Variants in ARHGEF12 observed in about 807,000 individuals in gnomAD.
The protein encoded by ARHGEF12 is Rho guanine nucleotide exchange factor 12.
A neutral mutation model predicts 211.2 loss-of-function variants in ARHGEF12; 66 were observed. That is an observed-to-expected ratio of 0.31 (90% CI 0.26 to 0.38). ARHGEF12 has a LOEUF of 0.38. Ranked by LOEUF, ARHGEF12 falls within the 10% of genes least tolerant of loss-of-function variation. The probability of loss-of-function intolerance (pLI) is 1.00; values close to 1 mark genes in which losing one functional copy is unlikely to be tolerated. For missense variants in ARHGEF12, 1,429 were observed against 1,869.5 expected (o/e 0.76, Z 4.34); for synonymous variants, 592 against 638.4 (o/e 0.93, Z 1.09).
intron 24 of ARHGEF12, 93 bp from the exon 25 acceptor site, chr11:120,457,987 T>A: frequency 2.1e-6 from 3 of 1,423,712 alleles, no homozygotes; most frequent in Non-Finnish European, 2.9e-6. Context: ...GATTCAGGAA[T>A]CTGATTAGAA....
chr11:120,360,233 A>G (rs529768609), intron 1 of ARHGEF12, among the ~76,000 whole-genome samples: 1 of 152,314 alleles, frequency 6.6e-6, no homozygotes, highest in South Asian at 2.1e-4. Flanking sequence ...TGGAAGGCCA[A>G]TTAGAGTAGT....
rs1947482886 is a variant in ARHGEF12, at chr11:120,489,615, T to C, written c.*4538T>C. On this transcript the variant is annotated 3_prime_UTR_variant, in exon 41 of 41. Coordinates refer to ENST00000397843, the MANE Select transcript of ARHGEF12 (RefSeq NM_015313.3). ...GTTTTGAAATACTTGTAATTTGACT[T>C]ATTCTTGGGATAATATTTTAGTTTT... The C allele has an allele frequency of 4.7e-6, 1 of 213,920 alleles. No individual in the cohort carries two copies. Among genetic ancestry groups the C allele is most frequent in the Non-Finnish European group, 9.5e-6 (1 of 105,792 alleles). The allele number at this position is 213,920 out of a possible 1,614,324, so 13.3% of individuals were successfully genotyped here.
At chr11:120,363,065 A>C (rs1020636131) in intron 1 of ARHGEF12, among the ~76,000 whole-genome samples, 6 of 152,226 alleles carry the variant, frequency 3.9e-5, no homozygotes, top group African/African-American at 1.4e-4. Context: ...GCACCACTGC[A>C]CTCCAGCCTT....
intron 24 of ARHGEF12, 138 bp downstream of exon 24, chr11:120,457,894 A>G: frequency 8.7e-7 from 1 of 1,154,696 alleles, no homozygotes; most frequent in South Asian, 1.6e-5. Flanking sequence ...CTCTTAAGAA[A>G]CACTGGTCAT....
In ARHGEF12 at chr11:120,337,034, C is replaced by T; in HGVS notation, c.-210C>T. 1.6e-6 allele frequency: 1 copy of T among 613,562 alleles called. No individual in the cohort carries two copies. The highest frequency in any genetic ancestry group is 2.0e-5 in the South Asian group (1 of 50,932). 38.0% of individuals were successfully genotyped at this position (613,562 alleles called of 1,614,324 possible). On this transcript the variant is annotated 5_prime_UTR_variant, in exon 1 of 41. Transcript: ENST00000397843. ...GGACTGACTCGCTCCCTGGCTTTCT[C>T]AGTTCGTTTTGGGAGATAACTTGTT...
intron 1 of ARHGEF12, among the ~76,000 whole-genome samples, chr11:120,404,530 C>G (rs1457548370): frequency 6.6e-6 from 1 of 151,950 alleles, no homozygotes; most frequent in African/African-American, 2.4e-5. Context: ...GGGCGTGGTC[C>G]TTGTTCATTT....
chr11:120,478,641 G>A (rs1336175183), intron 37 of ARHGEF12, among the ~76,000 whole-genome samples: 1 of 152,188 alleles, frequency 6.6e-6, no homozygotes, highest in African/African-American at 2.4e-5. Context: ...ATTGAGGTGG[G>A]AAAAAGGCTG....
intron 1 of ARHGEF12, among the ~76,000 whole-genome samples, chr11:120,353,312 T>C (rs1470736023): frequency 6.6e-6 from 1 of 152,202 alleles, no homozygotes; most frequent in African/African-American, 2.4e-5. Flanking sequence ...GGATCAATTA[T>C]CACAGTCGCA....
chr11:120,448,887 A>G (rs1401435707), intron 20 of ARHGEF12: 4 of 436,900 alleles, frequency 9.2e-6, no homozygotes, highest in Non-Finnish European at 1.6e-5. Flanking sequence ...TGATTTTCCA[A>G]AGCTGTCAGT....
chr11:120,417,267 T>C (rs1945059192), intron 4 of ARHGEF12, among the ~76,000 whole-genome samples: 1 of 152,146 alleles, frequency 6.6e-6, no homozygotes. Flanking sequence ...CAGTCACCCA[T>C]ATTAGAAACC....
intron 4 of ARHGEF12, among the ~76,000 whole-genome samples, chr11:120,418,703 T>C (rs1410553918): frequency 6.6e-6 from 1 of 152,234 alleles, no homozygotes; most frequent in Non-Finnish European, 1.5e-5. Flanking sequence ...TACCACTGTT[T>C]ATGATTAGCC....
chr11:120,414,945 T>C (rs574971071), intron 4 of ARHGEF12, among the ~76,000 whole-genome samples: 2 of 152,336 alleles, frequency 1.3e-5, no homozygotes, highest in East Asian at 3.9e-4. Context: ...TCACTGGTTT[T>C]ACTTTTTGAA....
At chr11:120,427,513 G>A (rs1401321815) in intron 7 of ARHGEF12, among the ~76,000 whole-genome samples, 1 of 151,470 alleles carries the variant, frequency 6.6e-6, no homozygotes, top group African/African-American at 2.4e-5. Context: ...GACCAGCCTG[G>A]GCAACATGGC....
chr11:120,480,453 C>CTTTGAT, intron 38 of ARHGEF12, 23 bp downstream of exon 38: 3 of 1,579,626 alleles, frequency 1.9e-6, no homozygotes, highest in Middle Eastern at 2.1e-4. Flanking sequence ...CACACTTAAA[C>CTTTGAT]TTTGATTTTG....
At chr11:120,421,927 C>T in intron 6 of ARHGEF12, 75 bp downstream of exon 6, 1 of 1,154,926 alleles carries the variant, frequency 8.7e-7, no homozygotes, top group Non-Finnish European at 1.3e-6. Flanking sequence ...TGATTTTTTT[C>T]ACTTGGATTT....
intron 33 of ARHGEF12, 80 bp downstream of exon 33, chr11:120,475,587 A>G: frequency 7.0e-7 from 1 of 1,427,190 alleles, no homozygotes; most frequent in East Asian, 2.3e-5. Flanking sequence ...TCTCAATAAC[A>G]CAAGTGGCAT....
chr11:120,426,763 GTTAAATTGGGAGACA>G (rs1171845943), intron 7 of ARHGEF12, among the ~76,000 whole-genome samples: 1 of 152,118 alleles, frequency 6.6e-6, no homozygotes, highest in Admixed American at 6.5e-5. Context: ...CCATGGGAGG[GTTAAATTGGGAGACA>G]AGTGTGAAAT....
At chr11:120,344,512 A>G (rs1374089657) in intron 1 of ARHGEF12, among the ~76,000 whole-genome samples, 1 of 152,136 alleles carries the variant, frequency 6.6e-6, no homozygotes, top group Non-Finnish European at 1.5e-5. Context: ...TTTGCCCAGT[A>G]CAGTCTCTGT....
chr11:120,428,698 C>CA (rs1448410552), intron 8 of ARHGEF12, among the ~76,000 whole-genome samples: 4 of 150,530 alleles, frequency 2.7e-5, no homozygotes, highest in African/African-American at 9.7e-5. Flanking sequence ...ATTATGAGGG[C>CA]AAAAAAAATG....
Sources: gnomAD v4.1 joint callset for allele counts (sites outside exome capture counted in the v4.1 genomes callset) on GRCh38, gnomAD v4.1.1 for gene constraint, MANE v1.5 for transcripts, NCBI Gene and HGNC (gene_info 2026-07-23, HGNC 2026-07-21) for gene names.